NLGN4X: variants seen among roughly 807,000 people sequenced by gnomAD.
NLGN4X encodes the protein neuroligin 4 X-linked.
A neutral mutation model predicts 40.3 loss-of-function variants in NLGN4X; 3 were observed. The ratio of observed to expected loss-of-function variants is 0.07; its 90% CI spans 0.03 to 0.19. The LOEUF is 0.19. NLGN4X is among the 10% of genes least tolerant of loss of function. NLGN4X has a pLI of 1.00. For synonymous variants in NLGN4X, 270 were observed against 306.8 expected (o/e 0.88, Z 1.25); for missense variants, 382 against 708.3 (o/e 0.54, Z 5.23).
chrX:6,137,449 A>C (rs2039846000), intron 2 of NLGN4X, among the ~76,000 whole-genome samples: 1 of 112,065 alleles, frequency 8.9e-6, no homozygotes, highest in Admixed American at 9.5e-5. Flanking sequence ...GACACAATTC[A>C]ACCATAACAC....
chrX:5,912,173 A>G (rs768574834), intron 3 of NLGN4X, among the ~76,000 whole-genome samples: 1,878 of 111,950 alleles, frequency 0.017, 43 homozygotes, highest in African/African-American at 0.056. Flanking sequence ...TTATCTCATT[A>G]CCCAGGTAAT....
chrX:5,929,415 G>A (rs1054892516), intron 3 of NLGN4X, among the ~76,000 whole-genome samples: 7 of 111,494 alleles, frequency 6.3e-5, no homozygotes, highest in Non-Finnish European at 1.1e-4. Flanking sequence ...TGCAGTGAGC[G>A]CCACTGCAGT....
intron 1 of NLGN4X, among the ~76,000 whole-genome samples, chrX:6,192,348 G>A (rs1178388438): frequency 2.7e-5 from 3 of 110,723 alleles, no homozygotes; most frequent in Non-Finnish European, 3.8e-5. Context: ...GGCTGGTCTC[G>A]AACTCCTGAA....
intron 2 of NLGN4X, among the ~76,000 whole-genome samples, chrX:6,137,677 TTGA>T (rs1335940918): frequency 8.9e-6 from 1 of 112,091 alleles, no homozygotes; most frequent in Non-Finnish European, 1.9e-5. Flanking sequence ...GATGATATTT[TTGA>T]TGATGACAAG....
At chrX:6,165,765 T>A (rs2040483323) in intron 1 of NLGN4X, among the ~76,000 whole-genome samples, 3 of 111,514 alleles carry the variant, frequency 2.7e-5, no homozygotes, top group African/African-American at 9.8e-5. Flanking sequence ...CAATTCTAAA[T>A]GCAGATGTTC....
At chrX:5,934,718 C>T (rs2033676118) in intron 3 of NLGN4X, among the ~76,000 whole-genome samples, 1 of 111,871 alleles carries the variant, frequency 8.9e-6, no homozygotes, top group Admixed American at 9.6e-5. Flanking sequence ...CTAAATTTCT[C>T]ATAATTTGTT....
Position 6,146,987 on chromosome X carries a change from T to C in NLGN4X, c.472+4008A>G, listed in dbSNP as rs1048645862. Among the ~76,000 whole-genome samples the C allele has an allele frequency of 3.6e-5, 4 of 111,259 alleles. No homozygotes were observed. The South Asian group carries it at 1.2e-3, about 32-fold the overall frequency. On this transcript the variant is annotated intron_variant, in intron 2 of 5. Coordinates refer to ENST00000381095, the MANE Select transcript of NLGN4X (RefSeq NM_181332.3). ...TTGTATTTGTAGTAAAGACGGGGTTTCACCATATTGGCCAGGCTGGTCACG... is the reference window on the plus strand; with the variant it reads ...TTGTATTTGTAGTAAAGACGGGGTTCCACCATATTGGCCAGGCTGGTCACG...
chrX:5,956,608 T>C (rs974845488), intron 3 of NLGN4X, among the ~76,000 whole-genome samples: 1 of 111,322 alleles, frequency 9.0e-6, no homozygotes, highest in Non-Finnish European at 1.9e-5. Context: ...GCAGATCACT[T>C]TGGGGACAAT....
intron 1 of NLGN4X, among the ~76,000 whole-genome samples, chrX:6,224,710 A>G (rs955642264): frequency 8.2e-5 from 9 of 109,884 alleles, no homozygotes; most frequent in African/African-American, 3.0e-4. Context: ...TTTGAGGGCC[A>G]ACTGTATACT....
At chrX:6,012,173 G>C (rs1253540063) in intron 3 of NLGN4X, among the ~76,000 whole-genome samples, 1 of 112,438 alleles carries the variant, frequency 8.9e-6, no homozygotes, top group African/African-American at 3.2e-5. Context: ...AAAAGGTTTT[G>C]CTTTATATTT....
chrX:6,091,905 TTTG>T (rs1393395754), intron 2 of NLGN4X, among the ~76,000 whole-genome samples: 2 of 110,397 alleles, frequency 1.8e-5, no homozygotes, highest in African/African-American at 6.6e-5. Context: ...CCTTTCTTCC[TTTG>T]TTCTTTTTTC....
At chrX:6,217,385 T>A (rs1925176431) in intron 1 of NLGN4X, among the ~76,000 whole-genome samples, 2 of 111,922 alleles carry the variant, frequency 1.8e-5, no homozygotes, top group East Asian at 5.6e-4. Flanking sequence ...TTAAGTTAAT[T>A]TTTATAAATT....
intron 2 of NLGN4X, among the ~76,000 whole-genome samples, chrX:6,102,743 GATAC>G (rs1306655389): frequency 9.0e-6 from 1 of 110,598 alleles, no homozygotes; most frequent in Non-Finnish European, 1.9e-5. Context: ...TATATATATA[GATAC>G]ATACATATAT....
intron 1 of NLGN4X, among the ~76,000 whole-genome samples, chrX:6,159,682 C>T (rs373458878): frequency 9.0e-6 from 1 of 111,690 alleles, no homozygotes; most frequent in Non-Finnish European, 1.9e-5. Flanking sequence ...CAAGTGCCCT[C>T]GCCATCAACT....
intron 1 of NLGN4X, among the ~76,000 whole-genome samples, chrX:6,221,913 C>A: frequency 9.0e-6 from 1 of 111,480 alleles, no homozygotes; most frequent in Non-Finnish European, 1.9e-5. Flanking sequence ...GCACCGCATG[C>A]AACTTCACCA....
intron 2 of NLGN4X, among the ~76,000 whole-genome samples, chrX:6,107,150 G>A (rs956866429): frequency 8.9e-6 from 1 of 112,296 alleles, no homozygotes; most frequent in African/African-American, 3.2e-5. Flanking sequence ...CACAGCTGGA[G>A]GAGCTCTGTT....
At chrX:6,113,874 G>T (rs932720339) in intron 2 of NLGN4X, among the ~76,000 whole-genome samples, 2 of 111,371 alleles carry the variant, frequency 1.8e-5, no homozygotes, top group Non-Finnish European at 3.8e-5. Flanking sequence ...GGCTGGAAGT[G>T]CAGTGGCGCA....
At chrX:6,027,443 G>A (rs942364122) in intron 3 of NLGN4X, among the ~76,000 whole-genome samples, 3 of 111,777 alleles carry the variant, frequency 2.7e-5, no homozygotes, top group Non-Finnish European at 5.6e-5. Flanking sequence ...GTTTTTTGGT[G>A]GTGTTTATTT....
chrX:5,904,669 C>T (rs1460684919), intron 4 of NLGN4X, among the ~76,000 whole-genome samples: 4 of 112,056 alleles, frequency 3.6e-5, no homozygotes, highest in East Asian at 2.8e-4. Context: ...GTCTACTACA[C>T]GGATGTCCAG....
Sources: gnomAD v4.1 joint callset for allele counts (sites outside exome capture counted in the v4.1 genomes callset) on GRCh38, gnomAD v4.1.1 for gene constraint, MANE v1.5 for transcripts, NCBI Gene and HGNC (gene_info 2026-07-23, HGNC 2026-07-21) for gene names.